PUDP: variants seen among roughly 807,000 people sequenced by gnomAD.
The protein encoded by PUDP is pseudouridine 5'-phosphatase.
In PUDP, 8 loss-of-function variants were observed where a neutral mutation model predicts 9.4. The ratio of observed to expected loss-of-function variants is 0.85; its 90% CI spans 0.50 to 1.53. PUDP has a LOEUF of 1.53. Ranked by LOEUF, PUDP falls within the 40% of genes most tolerant of loss-of-function variation. The pLI is 0.00. For missense variants in PUDP, 188 were observed against 189.7 expected (o/e 0.99, Z 0.05); for synonymous variants, 99 against 80.7 (o/e 1.23, Z -1.22).
intron 3 of PUDP, among the ~76,000 whole-genome samples, chrX:6,925,405 T>C (rs1225942955): frequency 8.9e-6 from 1 of 112,235 alleles, no homozygotes; most frequent in Non-Finnish European, 1.9e-5. Flanking sequence ...ATTAGGCAGA[T>C]GCTGAGAACT....
At chrX:6,752,531 G>T (rs1201091582) in intron 3 of PUDP, among the ~76,000 whole-genome samples, 2 of 111,871 alleles carry the variant, frequency 1.8e-5, no homozygotes, top group African/African-American at 6.5e-5. Flanking sequence ...GTAGAGACAG[G>T]ATAAAGCAAT....
At chrX:6,803,533 A>G (rs1397232026) in intron 3 of PUDP, among the ~76,000 whole-genome samples, 2 of 112,654 alleles carry the variant, frequency 1.8e-5, no homozygotes, top group African/African-American at 6.5e-5. Context: ...TTTTAGCATG[A>G]AAAGAAAGAT....
chrX:6,731,838 C>A (rs1374763395), intron 3 of PUDP, among the ~76,000 whole-genome samples: 2 of 110,326 alleles, frequency 1.8e-5, no homozygotes, highest in Non-Finnish European at 1.9e-5. Flanking sequence ...ATTAAAACCT[C>A]CGGTACTTCA....
chrX:7,110,213 C>G (rs140706376), intron 1 of PUDP, among the ~76,000 whole-genome samples: 1 of 112,427 alleles, frequency 8.9e-6, no homozygotes, highest in African/African-American at 3.2e-5. Context: ...TATGGAAGCC[C>G]TGTGCCTGGA....
At chrX:6,714,884 C>T (rs758976111) in intron 1 of PUDP, among the ~76,000 whole-genome samples, 7 of 110,705 alleles carry the variant, frequency 6.3e-5, no homozygotes, top group South Asian at 3.8e-4. Context: ...CTTATGTGTC[C>T]TAAATTGACT....
At chrX:6,846,262 G>A (rs958313598) in intron 3 of PUDP, among the ~76,000 whole-genome samples, 7 of 109,917 alleles carry the variant, frequency 6.4e-5, no homozygotes, top group Non-Finnish European at 1.1e-4. Context: ...AAAATTAGCC[G>A]GGCGTGGTGG....
At chrX:6,801,588 C>T in intron 3 of PUDP, among the ~76,000 whole-genome samples, 1 of 111,824 alleles carries the variant, frequency 8.9e-6, no homozygotes, top group East Asian at 2.8e-4. Flanking sequence ...CACACACACA[C>T]CTTCCATGTG....
At chrX:6,769,804 G>A (rs187877974) in intron 3 of PUDP, among the ~76,000 whole-genome samples, 108 of 112,044 alleles carry the variant, frequency 9.6e-4, no homozygotes, top group Non-Finnish European at 1.2e-3. Flanking sequence ...GCTCTCAATC[G>A]TACTTAAATA....
intron 3 of PUDP, among the ~76,000 whole-genome samples, chrX:7,073,592 G>A (rs1306715370): frequency 2.7e-5 from 3 of 112,769 alleles, no homozygotes; most frequent in African/African-American, 9.7e-5. Context: ...CTCCAAGATC[G>A]TCCACACGGC....
intron 3 of PUDP, among the ~76,000 whole-genome samples, chrX:6,972,679 G>A (rs1470907554): frequency 1.8e-5 from 2 of 111,766 alleles, no homozygotes; most frequent in Non-Finnish European, 3.8e-5. Context: ...TTTTTTAGTT[G>A]TGTCTCTGCC....
At chrX:7,136,686 T>C (rs1932750307) in intron 1 of PUDP, among the ~76,000 whole-genome samples, 1 of 101,663 alleles carries the variant, frequency 9.8e-6, no homozygotes, top group Non-Finnish European at 2.0e-5. Context: ...GTTCATATTG[T>C]GCCAGTGGGA....
chrX:6,723,119 C>T (rs1349551940), upstream of PUDP, among the ~76,000 whole-genome samples: 1 of 109,614 alleles, frequency 9.1e-6, no homozygotes, highest in Non-Finnish European at 1.9e-5. Flanking sequence ...AAATAAAAAC[C>T]ACAATAACCT....
chrX:7,092,483 G>T (rs1488118900), intron 2 of PUDP, among the ~76,000 whole-genome samples: 1 of 111,506 alleles, frequency 9.0e-6, no homozygotes, highest in Non-Finnish European at 1.9e-5. Flanking sequence ...AGAAATTTCA[G>T]TTTTATGGCT....
intron 3 of PUDP, among the ~76,000 whole-genome samples, chrX:7,056,225 C>T (rs991040239): frequency 1.8e-5 from 2 of 112,460 alleles, no homozygotes; most frequent in Admixed American, 9.4e-5. Context: ...TTTCTCTGCA[C>T]GGACTTGGTG....
At chrX:6,826,851 T>C (rs756358485) in intron 3 of PUDP, among the ~76,000 whole-genome samples, 1 of 111,907 alleles carries the variant, frequency 8.9e-6, no homozygotes, top group East Asian at 2.8e-4. Flanking sequence ...AAACCACAGA[T>C]TGACCATAAA....
chrX:6,830,853 T>A (rs752640628), intron 3 of PUDP, among the ~76,000 whole-genome samples: 2 of 112,437 alleles, frequency 1.8e-5, no homozygotes, highest in South Asian at 7.4e-4. Flanking sequence ...ACCCAATGGG[T>A]TCTCCTTGCC....
chrX:6,853,619 G>A (rs1191247389), intron 3 of PUDP, among the ~76,000 whole-genome samples: 1 of 110,956 alleles, frequency 9.0e-6, no homozygotes, highest in African/African-American at 3.3e-5. Context: ...CCACTAAATG[G>A]TCAATCCCCA....
intron 3 of PUDP, among the ~76,000 whole-genome samples, chrX:6,935,940 G>A (rs1234176652): frequency 1.0e-5 from 1 of 100,247 alleles, no homozygotes; most frequent in Non-Finnish European, 2.0e-5. Flanking sequence ...CCAGGAAGAA[G>A]TTGAATCTCT....
intron 3 of PUDP, among the ~76,000 whole-genome samples, chrX:7,060,046 C>A (rs1456099763): frequency 8.9e-6 from 1 of 112,096 alleles, no homozygotes; most frequent in Non-Finnish European, 1.9e-5. Context: ...CACGTGGCAG[C>A]TGGCAATGCA....
Sources: gnomAD v4.1 joint callset for allele counts (sites outside exome capture counted in the v4.1 genomes callset) on GRCh38, gnomAD v4.1.1 for gene constraint, MANE v1.5 for transcripts, NCBI Gene and HGNC (gene_info 2026-07-23, HGNC 2026-07-21) for gene names.